The following MACF1 variants were observed in gnomAD, a reference collection of about 807,000 sequenced individuals.
The protein encoded by MACF1 is microtubule-actin cross-linking factor 1.
In MACF1, 193 loss-of-function variants were observed where a neutral mutation model predicts 854.8. That is an observed-to-expected ratio of 0.23 (90% CI 0.20 to 0.25). The LOEUF is 0.25. Ranked by LOEUF, MACF1 falls within the 10% of genes least tolerant of loss-of-function variation. The probability of loss-of-function intolerance (pLI) is 1.00; values close to 1 mark genes in which losing one functional copy is unlikely to be tolerated. For synonymous variants in MACF1, 3,185 were observed against 3,226.7 expected, an observed-to-expected ratio of 0.99 and a Z score of 0.44; for missense variants, 7,722 against 8,929.1, an observed-to-expected ratio of 0.86 and a Z score of 5.45.
intron 2 of MACF1, among the ~76,000 whole-genome samples, chr1:39,115,248 G>A (rs1328223459): frequency 1.3e-5 from 2 of 152,174 alleles, no homozygotes; most frequent in Non-Finnish European, 2.9e-5. Flanking sequence ...TGGCAGACAA[G>A]TTAGGAAGCT....
chr1:39,458,128 C>T, intron 89 of MACF1: 1 of 409,692 alleles, frequency 2.4e-6, no homozygotes, highest in Admixed American at 3.7e-5. Context: ...GGAATTTGCC[C>T]CCATAACTCA....
intron 7 of MACF1, among the ~76,000 whole-genome samples, chr1:39,282,582 G>A (rs963547909): frequency 6.6e-6 from 1 of 152,212 alleles, no homozygotes; most frequent in Non-Finnish European, 1.5e-5. Flanking sequence ...TGCTCTCATG[G>A]AACTTATCTT....
intron 26 of MACF1, among the ~76,000 whole-genome samples, chr1:39,312,464 G>C (rs1336279064): frequency 6.6e-6 from 1 of 152,016 alleles, no homozygotes; most frequent in Non-Finnish European, 1.5e-5. Context: ...ATACTTCAGT[G>C]TGCATCTTCA....
At chr1:39,299,000 G>A (rs548899326) in intron 21 of MACF1, among the ~76,000 whole-genome samples, 20 of 152,196 alleles carry the variant, frequency 1.3e-4, no homozygotes, top group Admixed American at 9.8e-4. Context: ...CAGCTTGTCC[G>A]TCAGGTTCGG....
At chr1:39,152,209 G>C (rs989744423) in intron 2 of MACF1, among the ~76,000 whole-genome samples, 2 of 152,186 alleles carry the variant, frequency 1.3e-5, no homozygotes, top group Non-Finnish European at 2.9e-5. Flanking sequence ...TCCTGACTTT[G>C]TGATCCGCCC....
At chr1:39,257,839 A>G in intron 5 of MACF1, 97 bp from the exon 6 acceptor site, 1 of 868,332 alleles carries the variant, frequency 1.2e-6, no homozygotes, top group Non-Finnish European at 1.9e-6. Flanking sequence ...CCAAAAAAGA[A>G]ATCAGTTTAA....
chr1:39,126,168 C>T (rs576160499), intron 2 of MACF1, among the ~76,000 whole-genome samples: 10 of 152,080 alleles, frequency 6.6e-5, no homozygotes, highest in South Asian at 2.1e-4. Context: ...GTTCTGGAGG[C>T]GAGAAGTCTG....
At chr1:39,360,106 T>C (rs534158603) in intron 47 of MACF1, among the ~76,000 whole-genome samples, 5 of 134,350 alleles carry the variant, frequency 3.7e-5, no homozygotes, top group South Asian at 2.5e-4. Context: ...CACACACACA[T>C]ATATATCGTA....
intron 6 of MACF1, among the ~76,000 whole-genome samples, chr1:39,275,926 T>TTCC (rs771154643): frequency 8.0e-6 from 1 of 124,550 alleles, no homozygotes; most frequent in East Asian, 3.0e-4. Context: ...CTTCTTCTTC[T>TTCC]TTTTTTTTTT....
intron 61 of MACF1, among the ~76,000 whole-genome samples, chr1:39,426,596 A>AT (rs1643735137): frequency 6.6e-6 from 1 of 152,090 alleles, no homozygotes; most frequent in South Asian, 2.1e-4. Flanking sequence ...TGCTGCTTTT[A>AT]TTTTATAGAG....
Position 39,287,280 on chromosome 1 carries a change from T to C in MACF1, c.1509-6T>C, listed in dbSNP as rs370188706. 3.7e-6 allele frequency: 6 copies of C among 1,612,266 alleles called. No individual in the cohort carries two copies. The African/African-American group carries it at 8.0e-5, about 22-fold the overall frequency. The stretch of plus-strand genomic sequence containing the variant: ...TCCTTTCCTTTTTTCTCTTCTTCCA[T>C]TTCAGGGTCATGCGTCTTCAGGATG... On this transcript the variant is annotated splice_polypyrimidine_tract_variant and splice_region_variant and intron_variant, in intron 14 of 100. Coordinates refer to ENST00000564288, the MANE Select transcript of MACF1 (RefSeq NM_001394062.1).
At chr1:39,312,572 C>G (rs539802180) in intron 26 of MACF1, among the ~76,000 whole-genome samples, 111 of 152,236 alleles carry the variant, frequency 7.3e-4, no homozygotes, top group African/African-American at 2.6e-3. Context: ...CGTCTGTAAT[C>G]CTAGCACTTT....
rs1251165556 is a variant in MACF1, at chr1:39,440,106, C to CT, written c.18447+610dup. ...CTTTTCTTTTCTTTTCTTTTCTTTT[C>CT]TTTTCTTTTTTTTTTTTTTTTTTGG... is the stretch of plus-strand genomic sequence containing the variant. On this transcript the variant is annotated intron_variant, in intron 72 of 100. Coordinates refer to ENST00000564288, the MANE Select transcript of MACF1 (RefSeq NM_001394062.1). Among the ~76,000 whole-genome samples, 119 of 68,200 alleles carry CT rather than the reference C, an allele frequency of 1.7e-3. 2 individuals carry two copies. Among genetic ancestry groups the CT allele is most frequent in the African/African-American group, 7.3e-3 (112 of 15,284 alleles). 44.7% of individuals were successfully genotyped at this position (68,200 alleles called of 152,430 possible).
chr1:39,186,324 C>T (rs1455515796), intron 2 of MACF1, among the ~76,000 whole-genome samples: 2 of 148,816 alleles, frequency 1.3e-5, no homozygotes, highest in South Asian at 2.1e-4. Context: ...GCTGGAGTGC[C>T]GTGGCATGCT....
chr1:39,154,885 C>T (rs1643652775), intron 2 of MACF1, among the ~76,000 whole-genome samples: 2 of 152,088 alleles, frequency 1.3e-5, no homozygotes, highest in South Asian at 2.1e-4. Context: ...GACAGAAGGG[C>T]TTTTTTTCCG....
chr1:39,410,728 G>A lies in MACF1; in HGVS notation c.15817-11646G>A, dbSNP rs1569942241. ...GAGGATAGAAGCTTCTCTCAGTGAG[G>A]TTTCAGAAGCTGGTGCTTCAAATCC... On this transcript the variant is annotated intron_variant, in intron 58 of 100. Coordinates refer to ENST00000564288, the MANE Select transcript of MACF1 (RefSeq NM_001394062.1). 1.2e-6 allele frequency: 2 copies of A among 1,613,942 alleles called. No individual in the cohort carries two copies. Among genetic ancestry groups the A allele is most frequent in the African/African-American group, 2.7e-5 (2 of 75,050 alleles).
At chr1:39,139,427 T>C (rs1464145316) in intron 2 of MACF1, among the ~76,000 whole-genome samples, 1 of 152,092 alleles carries the variant, frequency 6.6e-6, no homozygotes, top group Admixed American at 6.5e-5. Context: ...CAGCTAATTT[T>C]TGTATTTTTA....
intron 34 of MACF1, 132 bp downstream of exon 34, chr1:39,324,477 G>A: frequency 8.1e-7 from 1 of 1,239,004 alleles, no homozygotes; most frequent in Non-Finnish European, 1.1e-6. Flanking sequence ...AGAAACTTAA[G>A]AAGCCATCTT....
chr1:39,158,395 T>C (rs1348872439), intron 2 of MACF1, among the ~76,000 whole-genome samples: 1 of 152,244 alleles, frequency 6.6e-6, no homozygotes, highest in Non-Finnish European at 1.5e-5. Context: ...TGTGTGGCTG[T>C]ATTCCAGTCC....
Sources: gnomAD v4.1 joint callset for allele counts (sites outside exome capture counted in the v4.1 genomes callset) on GRCh38, gnomAD v4.1.1 for gene constraint, MANE v1.5 for transcripts, NCBI Gene and HGNC (gene_info 2026-07-23, HGNC 2026-07-21) for gene names.